Variants in SLC12A1 observed in about 807,000 individuals in gnomAD.
SLC12A1 encodes solute carrier family 12 member 1, also known as Na-K-2Cl cotransporter.
In SLC12A1, 89 loss-of-function variants were observed where a neutral mutation model predicts 130.4. The ratio of observed to expected loss-of-function variants is 0.68; its 90% confidence interval spans 0.58 to 0.81. The LOEUF (loss-of-function observed/expected upper bound fraction) is 0.81, where lower values mean the gene tolerates loss of function less well. Among genes scored for constraint, SLC12A1 ranks in the 40% least tolerant of loss-of-function variants. SLC12A1 has a pLI of 0.00. For missense variants in SLC12A1, 1,310 were observed against 1,336.4 expected, an observed-to-expected ratio of 0.98 and a Z score of 0.31; for synonymous variants, 499 against 460.0, an observed-to-expected ratio of 1.08 and a Z score of -1.09.
intron 19 of SLC12A1, among the ~76,000 whole-genome samples, chr15:48,272,571 T>C: frequency 6.6e-6 from 1 of 151,976 alleles, no homozygotes; most frequent in Non-Finnish European, 1.5e-5. Flanking sequence ...GGACTACAGG[T>C]GCACACCACC....
At chr15:48,208,247 T>A in intron 2 of SLC12A1, 108 bp downstream of exon 2, 1 of 1,124,984 alleles carries the variant, frequency 8.9e-7, no homozygotes, top group Non-Finnish European at 1.3e-6. Flanking sequence ...AATGGAGAGG[T>A]CTATTCCAAA....
At chr15:48,247,487 G>A in intron 13 of SLC12A1, 27 bp downstream of exon 13, 1 of 1,528,278 alleles carries the variant, frequency 6.5e-7, no homozygotes, top group Non-Finnish European at 8.9e-7. Context: ...TGTTTTTATT[G>A]AAAACCAAAG....
chr15:48,267,848 G>A, intron 18 of SLC12A1, 147 bp downstream of exon 18: 1 of 802,962 alleles, frequency 1.2e-6, no homozygotes, highest in South Asian at 1.8e-5. Flanking sequence ...GAATTCCTGG[G>A]TATAGGCAAA....
At chr15:48,251,520 T>C (rs1433363101) in intron 14 of SLC12A1, 95 bp from the exon 15 acceptor site, 8 of 971,444 alleles carry the variant, frequency 8.2e-6, no homozygotes, top group Non-Finnish European at 9.8e-6. Flanking sequence ...TGATTCTTTA[T>C]GTCAGGAAAA....
chr15:48,280,640 G>T (rs8040405), intron 20 of SLC12A1, among the ~76,000 whole-genome samples: 41,974 of 151,908 alleles, frequency 0.28, 6,709 homozygotes, highest in African/African-American at 0.43. Flanking sequence ...TTCCCAGTAG[G>T]TACCATTAAA....
At chr15:48,235,105 A>T in intron 9 of SLC12A1, 101 bp downstream of exon 9, 2 of 1,198,768 alleles carry the variant, frequency 1.7e-6, no homozygotes, top group Non-Finnish European at 2.5e-6. Context: ...TACCCTACAG[A>T]TTCAAACTGT....
chr15:48,257,141 T>G (rs182869037), intron 16 of SLC12A1, among the ~76,000 whole-genome samples: 257 of 152,266 alleles, frequency 1.7e-3, no homozygotes, highest in Middle Eastern at 0.01. Flanking sequence ...TCCAAAATGA[T>G]CTCCTTTGAC....
intron 20 of SLC12A1, among the ~76,000 whole-genome samples, 154 bp downstream of exon 20, chr15:48,274,807 A>G (rs920932881): frequency 6.6e-6 from 1 of 152,216 alleles, no homozygotes; most frequent in Non-Finnish European, 1.5e-5. Context: ...TAGTTCCCCC[A>G]GTATTTTCTT....
At chr15:48,244,968 T>A in intron 11 of SLC12A1, 64 bp downstream of exon 11, 1 of 1,459,984 alleles carries the variant, frequency 6.8e-7, no homozygotes, top group South Asian at 1.2e-5. Context: ...TCACATAGAG[T>A]AAGATTTCTG....
At chr15:48,253,441 G>T (rs187761864) in intron 15 of SLC12A1, among the ~76,000 whole-genome samples, 2 of 152,282 alleles carry the variant, frequency 1.3e-5, no homozygotes, top group Non-Finnish European at 2.9e-5. Flanking sequence ...AAACATACAC[G>T]ATATAGCCTT....
At chr15:48,220,131 G>GTAGATAGATAGATAGATAGA (rs71120609) in intron 2 of SLC12A1, among the ~76,000 whole-genome samples, 1 of 105,738 alleles carries the variant, frequency 9.5e-6, no homozygotes, top group Non-Finnish European at 2.0e-5. Flanking sequence ...AAAAAAAAAG[G>GTAGATAGATAGATAGATAGA]TAGATAGATA....
intron 19 of SLC12A1, 49 bp from the exon 20 acceptor site, chr15:48,274,522 G>C: frequency 8.3e-7 from 1 of 1,203,560 alleles, no homozygotes; most frequent in Non-Finnish European, 1.2e-6. Context: ...CAAAGCTTGA[G>C]GATTAAAAGA....
At chr15:48,295,373 A>G (rs1442463989) in intron 24 of SLC12A1, among the ~76,000 whole-genome samples, 3 of 152,054 alleles carry the variant, frequency 2.0e-5, no homozygotes, top group African/African-American at 7.2e-5. Flanking sequence ...CTTCTTTCAT[A>G]ATAGTCTCTA....
At chr15:48,211,048 T>C (rs992835270) in intron 2 of SLC12A1, among the ~76,000 whole-genome samples, 1 of 152,202 alleles carries the variant, frequency 6.6e-6, no homozygotes, top group Non-Finnish European at 1.5e-5. Context: ...CAAATTAAAA[T>C]ATTAAAAATT....
chr15:48,210,869 A>C (rs1389630649), intron 2 of SLC12A1, among the ~76,000 whole-genome samples: 2 of 152,110 alleles, frequency 1.3e-5, no homozygotes, highest in Non-Finnish European at 1.5e-5. Context: ...ATCTCAAAAA[A>C]AAAAAGAAAC....
In SLC12A1 at chr15:48,230,275, A is replaced by G; in HGVS notation, c.865-118A>G. On this transcript the variant is annotated intron_variant, in intron 6 of 26. Coordinates refer to ENST00000380993, the MANE Select transcript of SLC12A1 (RefSeq NM_000338.3). Reference sequence around the variant, plus strand: ...AAATGTATGAATACTCCATTTTTCTATTATCCTATATGGCCCCAGGTGTAA... The same window carrying G: ...AAATGTATGAATACTCCATTTTTCTGTTATCCTATATGGCCCCAGGTGTAA... 4.8e-6 allele frequency: 3 copies of G among 620,242 alleles called. No individual in the cohort carries two copies. The South Asian group carries it at 6.8e-5, about 14-fold the overall frequency. The allele number at this position is 620,242 out of a possible 1,614,324, so 38.4% of individuals were successfully genotyped here.
chr15:48,253,035 C>T (rs2041665709), intron 15 of SLC12A1, among the ~76,000 whole-genome samples: 1 of 152,080 alleles, frequency 6.6e-6, no homozygotes, highest in Non-Finnish European at 1.5e-5. Context: ...ACTTTAGTAC[C>T]ATGTATATTA....
At chr15:48,301,502 T>TTTGGGGG in intron 26 of SLC12A1, 120 bp downstream of exon 26, 1 of 429,450 alleles carries the variant, frequency 2.3e-6, no homozygotes, top group Non-Finnish European at 3.7e-6. Context: ...GTGTTTTTTT[T>TTTGGGGG]GGGGGGGGGA....
chr15:48,277,239 G>A (rs967517167), intron 20 of SLC12A1, among the ~76,000 whole-genome samples: 1 of 152,004 alleles, frequency 6.6e-6, no homozygotes, highest in Non-Finnish European at 1.5e-5. Flanking sequence ...GCGACCCACG[G>A]AGTAAGATCC....
Sources: gnomAD v4.1 joint callset for allele counts (sites outside exome capture counted in the v4.1 genomes callset) on GRCh38, gnomAD v4.1.1 for gene constraint, MANE v1.5 for transcripts, NCBI Gene and HGNC (gene_info 2026-07-23, HGNC 2026-07-21) for gene names.